QDPR: variants seen among roughly 807,000 people sequenced by gnomAD.
QDPR encodes the protein dihydropteridine reductase.
QDPR carries 23 observed loss-of-function variants against 31.7 expected under a neutral mutation model. The ratio of observed to expected loss-of-function variants is 0.73; its 90% CI spans 0.52 to 1.03. The LOEUF is 1.03. Ranked by LOEUF, QDPR falls within the 50% of genes least tolerant of loss-of-function variation. The pLI, the probability that QDPR is intolerant of heterozygous loss-of-function variation, is 0.00. For synonymous variants in QDPR, 124 were observed against 124.7 expected (o/e 0.99, Z 0.03); for missense variants, 324 against 323.8 (o/e 1.00, Z 0.00).
At chr4:17,511,272 G>A (rs1376889534) in intron 1 of QDPR, among the ~76,000 whole-genome samples, 1 of 152,022 alleles carries the variant, frequency 6.6e-6, no homozygotes, top group Non-Finnish European at 1.5e-5. Context: ...CCGACTTGCC[G>A]CCTCCTGGAA....
Position 17,511,976 on chromosome 4 carries a change from C to T in QDPR, c.79G>A (p.Val27Met), listed in dbSNP as rs762772317. ...CAGTTGCGGGCCCGAAAAGCCTGCA[C>T]GCATCGAGAACCCAGAGCGCCCCTG... ...GGRGALGSRC[V>M]QAFRARNWWV... The change falls in exon 1 of 7, where the codon GTG (valine) becomes ATG (methionine). Residue 27 changes from valine to methionine, a missense_variant. By Grantham distance (21) the Val-to-Met change is conservative. Transcript: ENST00000281243. 1.2e-6 allele frequency: 2 copies of T among 1,610,996 alleles called. No individual in the cohort carries two copies. The highest frequency in any genetic ancestry group is 1.3e-5 in the African/African-American group (1 of 74,786).
At chr4:17,492,555 G>A (rs1718207344) in intron 4 of QDPR, 1 of 585,588 alleles carries the variant, frequency 1.7e-6, no homozygotes, top group Non-Finnish European at 3.1e-6. Context: ...TGGGAATTAT[G>A]GCCTCTGGCC....
rs1006709259 is a variant in QDPR, at chr4:17,499,646, G to T, written c.436+2073C>A. 4.6e-5 allele frequency among the ~76,000 whole-genome samples: 7 copies of T among 152,160 alleles called. No homozygotes were observed. The South Asian group carries it at 8.3e-4, about 18-fold the overall frequency. On this transcript the variant is annotated intron_variant, in intron 4 of 6. Transcript: ENST00000281243. ...CATTAAAATTGAGAAGGGGCCTGGC[G>T]TAGTGGCTCATGCCAGTAGTCTCAG...
chr4:17,497,955 T>C (rs1005729743), intron 4 of QDPR, among the ~76,000 whole-genome samples: 2 of 152,174 alleles, frequency 1.3e-5, no homozygotes, highest in African/African-American at 4.8e-5. Context: ...TGTCTTTTAT[T>C]AAGGTAGGTT....
chr4:17,509,457 T>C (rs944331059), intron 1 of QDPR, 94 bp from the exon 2 acceptor site: 49 of 1,116,606 alleles, frequency 4.4e-5, no homozygotes, highest in Non-Finnish European at 6.1e-5. Flanking sequence ...CCAGGTGTAG[T>C]GGTTCACGTC....
chr4:17,510,787 G>A (rs1718978494), intron 1 of QDPR, among the ~76,000 whole-genome samples: 1 of 152,202 alleles, frequency 6.6e-6, no homozygotes, highest in South Asian at 2.1e-4. Context: ...CACAGTGCCT[G>A]GCCCTTGGCA....
chr4:17,501,460 A>G (rs973870698), intron 4 of QDPR, among the ~76,000 whole-genome samples: 63 of 152,174 alleles, frequency 4.1e-4, no homozygotes, highest in African/African-American at 1.5e-3. Context: ...TCCAGTGTAG[A>G]TCACAGATAA....
rs1171544975 is a variant in QDPR, at chr4:17,512,007, G to C, written c.48C>G (p.Tyr16Ter). 3 of 1,609,444 alleles carry C rather than the reference G, an allele frequency of 1.9e-6. No individual in the cohort carries two copies. Among genetic ancestry groups the C allele is most frequent in the Non-Finnish European group, 2.5e-6 (3 of 1,178,638 alleles). ...AAGEARRVLV[Y>*]GGRGALGSRC... ...GAGAACCCAGAGCGCCCCTGCCGCC[G>C]TACACCAGCACCCGGCGCGCCTCGC... is the stretch of plus-strand genomic sequence containing the variant. The change falls in exon 1 of 7, where the codon TAC (tyrosine) becomes TAG (stop). Residue 16 changes from tyrosine (Y) to a stop codon, truncating the protein, a stop_gained. Transcript: ENST00000281243. LOFTEE classifies it high-confidence loss of function.
rs104893865 is a variant in QDPR at position 17,509,363 on chromosome 4, A to G, written c.106T>C (p.Trp36Arg). Residue 36 changes from tryptophan (W) to arginine (R), a missense_variant and splice_region_variant, in exon 2 of 7, where the codon TGG becomes CGG. Transcript: ENST00000281243. Reference sequence around the variant, plus strand: ...TCCACCACATCAACGCTGGCAACCCACTGGAAGGAGAAAACAGCTTTGGTT... The same window carrying G: ...TCCACCACATCAACGCTGGCAACCCGCTGGAAGGAGAAAACAGCTTTGGTT... Reference protein sequence around the residue: ...CVQAFRARNWWVASVDVVENE... With the variant: ...CVQAFRARNWRVASVDVVENE... 6.2e-7 allele frequency: 1 copy of G among 1,613,376 alleles called. No individual in the cohort carries two copies. Among genetic ancestry groups the G allele is most frequent in the East Asian group, 2.2e-5 (1 of 44,854 alleles).
intron 2 of QDPR, among the ~76,000 whole-genome samples, chr4:17,507,711 C>G (rs1223762818): frequency 6.6e-6 from 1 of 151,620 alleles, no homozygotes; most frequent in Non-Finnish European, 1.5e-5. Flanking sequence ...TCAAGTGATT[C>G]TCCTGCCTCA....
intron 4 of QDPR, among the ~76,000 whole-genome samples, chr4:17,498,818 T>C (rs1718453702): frequency 6.6e-6 from 1 of 151,618 alleles, no homozygotes; most frequent in South Asian, 2.1e-4. Flanking sequence ...GAAAAACTTC[T>C]GATGTGCAAA....
intron 1 of QDPR, among the ~76,000 whole-genome samples, chr4:17,510,247 A>C (rs1415191158): frequency 6.6e-6 from 1 of 152,244 alleles, no homozygotes; most frequent in Admixed American, 6.5e-5. Flanking sequence ...GAAATCAGAC[A>C]GATCAGGTTT....
At chr4:17,511,927 G>A (rs771714947) in intron 1 of QDPR, 23 bp downstream of exon 1, 1 of 1,604,752 alleles carries the variant, frequency 6.2e-7, no homozygotes, top group East Asian at 2.2e-5. Flanking sequence ...CGGAGACCCA[G>A]CAGCCCCAGC....
intron 3 of QDPR, 36 bp downstream of exon 3, chr4:17,504,343 G>C (rs1396638965): frequency 5.7e-6 from 9 of 1,569,840 alleles, no homozygotes; most frequent in African/African-American, 2.7e-5. Flanking sequence ...AAAAAGAGCA[G>C]AGCAGAACAA....
intron 2 of QDPR, among the ~76,000 whole-genome samples, chr4:17,505,814 T>C (rs1718768292): frequency 6.6e-6 from 1 of 152,198 alleles, no homozygotes; most frequent in Non-Finnish European, 1.5e-5. Flanking sequence ...TGTTCAGAAA[T>C]TCTTAAGGTT....
chr4:17,487,229 G>C lies in QDPR; in HGVS notation c.637C>G (p.His213Asp). ...TPLEFLVETF[H>D]DWITGKNRPS... The stretch of plus-strand genomic sequence containing the variant: ...CGGTTTTTCCCTGTGATCCAGTCAT[G>C]GAAAGTTCTGGAACAGAAAATAAAA... The change falls in exon 7 of 7, where the codon CAT (histidine) becomes GAT (aspartate). Residue 213 changes from histidine (H) to aspartate (D), a missense_variant. His to Asp is a moderately conservative substitution (Grantham distance 81). Transcript: ENST00000281243. The C allele has an allele frequency of 1.2e-6, 2 of 1,613,584 alleles. No individual in the cohort carries two copies. The highest frequency in any genetic ancestry group is 1.7e-6 in the Non-Finnish European group (2 of 1,179,568).
chr4:17,490,403 T>C (rs1718116155), intron 6 of QDPR: 1 of 455,792 alleles, frequency 2.2e-6, no homozygotes, highest in Admixed American at 3.2e-5. Context: ...AGGTCAATAA[T>C]GTGCTCAGCA....
chr4:17,498,643 G>C (rs1264949580), intron 4 of QDPR, among the ~76,000 whole-genome samples: 1 of 152,176 alleles, frequency 6.6e-6, no homozygotes, highest in African/African-American at 2.4e-5. Context: ...CCAAATTACT[G>C]AATGATCAGT....
rs772710378 is a variant in QDPR, at chr4:17,504,471, G to T, written c.203C>A (p.Thr68Asn). ...ACCCAAGAGCTTTCCAACCTCAGCAGTCACCTTCAACACAAGAACAAAAAA... is the reference window on the plus strand; with the variant it reads ...ACCCAAGAGCTTTCCAACCTCAGCATTCACCTTCAACACAAGAACAAAAAA... The part of the protein sequence containing the change: ...DSFTEQADQV[T>N]AEVGKLLGEE... The change falls in exon 3 of 7, where the codon ACT (threonine) becomes AAT (asparagine). Residue 68 changes from threonine (T) to asparagine (N), a missense_variant. Physicochemically the swap from Thr to Asn is moderately conservative, Grantham distance 65. Transcript: ENST00000281243. 6.2e-7 allele frequency: 1 copy of T among 1,613,880 alleles called. No individual in the cohort carries two copies. The highest frequency in any genetic ancestry group is 8.5e-7 in the Non-Finnish European group (1 of 1,179,730).
Sources: allele counts gnomAD v4.1 joint callset (sites outside exome capture counted in the v4.1 genomes callset), GRCh38; gene constraint gnomAD v4.1.1; transcripts MANE v1.5; gene names NCBI Gene and HGNC (gene_info 2026-07-23, HGNC 2026-07-21).